Variants in FALEC observed in about 807,000 individuals in gnomAD.
FALEC encodes the protein focally amplified lncRNA regulator of ECM1.
the FALEC span, among the ~76,000 whole-genome samples, chr1:150,530,349 G>A: frequency 2.0e-5 from 3 of 152,122 alleles, no homozygotes; most frequent in Admixed American, 1.3e-4. Flanking sequence ...CAGCAGCTGG[G>A]GGAGCACAGT....
chr1:150,529,041 C>CAAAAAAAAAAAAAAAAAAAAAAAAAAA, the FALEC span, among the ~76,000 whole-genome samples: 1 of 58,692 alleles, frequency 1.7e-5, no homozygotes. Flanking sequence ...AAAAAAAAAT[C>CAAAAAAAAAAAAAAAAAAAAAAAAAAA]AAAGGATCTA....
chr1:150,519,585 G>A (rs587700137), downstream of FALEC, among the ~76,000 whole-genome samples: 8 of 152,084 alleles, frequency 5.3e-5, no homozygotes, highest in East Asian at 1.9e-4. Flanking sequence ...GGCCAGGCAC[G>A]GTGGCTCACG....
At chr1:150,519,604 C>T (rs1393454212), downstream of FALEC, among the ~76,000 whole-genome samples, 1 of 152,100 alleles carries the variant, frequency 6.6e-6, no homozygotes, top group Non-Finnish European at 1.5e-5. Context: ...CGCCTGTAAT[C>T]CCAGCACTTT....
chr1:150,528,009 C>T, the FALEC span, among the ~76,000 whole-genome samples: 1 of 151,956 alleles, frequency 6.6e-6, no homozygotes, highest in African/African-American at 2.4e-5. Context: ...GTGGGGTCCT[C>T]GCTGTATTAT....
the FALEC span, among the ~76,000 whole-genome samples, chr1:150,536,767 CAATA>C: frequency 6.6e-6 from 1 of 151,930 alleles, no homozygotes; most frequent in Non-Finnish European, 1.5e-5. Context: ...TCAGCCTGGG[CAATA>C]AATAAATAAA....
downstream of FALEC, among the ~76,000 whole-genome samples, chr1:150,522,975 A>AT (rs1560270879): frequency 1.5e-3 from 44 of 28,842 alleles, 7 homozygotes; most frequent in Non-Finnish European, 2.3e-3. Context: ...ATATATATAT[A>AT]TATATATATT....
At chr1:150,522,889 GTATATATATATATACATATATATACA>G (rs1181588320), downstream of FALEC, among the ~76,000 whole-genome samples, 1 of 44,292 alleles carries the variant, frequency 2.3e-5, no homozygotes, top group Non-Finnish European at 4.7e-5. Context: ...ATATATATAC[GTATATATATATATACATATATATACA>G]TATATATATA....
chr1:150,522,851 CTA>C (rs1235546445), downstream of FALEC, among the ~76,000 whole-genome samples: 27 of 87,692 alleles, frequency 3.1e-4, no homozygotes, highest in East Asian at 1.8e-3. Context: ...CTCTCTCTCT[CTA>C]TATATATATA....
chr1:150,520,714 G>GACT (rs1670627379), downstream of FALEC, among the ~76,000 whole-genome samples: 1 of 147,784 alleles, frequency 6.8e-6, no homozygotes, highest in Admixed American at 6.7e-5. Context: ...GTGCATGTCT[G>GACT]ACTTTTTAAA....
intron 1 of FALEC, chr1:150,517,759 A>G (rs763905456): frequency 1.3e-5 from 2 of 152,236 alleles, no homozygotes; most frequent in Non-Finnish European, 2.9e-5. Flanking sequence ...CACCCTGTCT[A>G]TGGTACTTCA....
At chr1:150,530,018 C>T in the FALEC span, among the ~76,000 whole-genome samples, 2 of 152,126 alleles carry the variant, frequency 1.3e-5, no homozygotes, top group African/African-American at 4.8e-5. Flanking sequence ...GAGCCCCTAA[C>T]TTGGGTCAGC....
At chr1:150,517,105 C>T (rs991531739) in intron 1 of FALEC, among the ~76,000 whole-genome samples, 2 of 152,042 alleles carry the variant, frequency 1.3e-5, no homozygotes, top group Non-Finnish European at 2.9e-5. Flanking sequence ...TCGAGACCAG[C>T]CTGACCAACA....
At chr1:150,534,797 A>G in the FALEC span, among the ~76,000 whole-genome samples, 185 of 150,128 alleles carry the variant, frequency 1.2e-3, no homozygotes, top group Non-Finnish European at 1.7e-3. Flanking sequence ...AGCTGAGATC[A>G]TGCCACTGCA....
chr1:150,522,332 G>T (rs778410745), downstream of FALEC, among the ~76,000 whole-genome samples: 1 of 151,880 alleles, frequency 6.6e-6, no homozygotes, highest in African/African-American at 2.4e-5. Flanking sequence ...TTAGAAGTTG[G>T]TAGTGGTTGG....
the FALEC span, among the ~76,000 whole-genome samples, chr1:150,535,177 A>T: frequency 6.6e-6 from 1 of 152,016 alleles, no homozygotes; most frequent in Non-Finnish European, 1.5e-5. Context: ...GCTTCCTCTG[A>T]GGGATAAGAG....
At chr1:150,533,353 C>T in the FALEC span, among the ~76,000 whole-genome samples, 10 of 151,726 alleles carry the variant, frequency 6.6e-5, no homozygotes, top group African/African-American at 2.4e-4. Context: ...GCAAGATGGG[C>T]CACATCGAGT....
chr1:150,518,779 G>A (rs587651484), downstream of FALEC, among the ~76,000 whole-genome samples: 25 of 152,174 alleles, frequency 1.6e-4, 1 homozygote, highest in South Asian at 4.6e-3. Flanking sequence ...ATCCCTGGCC[G>A]GGCGCTGTGG....
chr1:150,521,501 A>G (rs1479622932), downstream of FALEC, among the ~76,000 whole-genome samples: 1 of 152,224 alleles, frequency 6.6e-6, no homozygotes, highest in African/African-American at 2.4e-5. Flanking sequence ...TCAATTGATC[A>G]TTTGGATATC....
At chr1:150,523,318 G>A in the FALEC span, among the ~76,000 whole-genome samples, 1 of 150,230 alleles carries the variant, frequency 6.7e-6, no homozygotes, top group Non-Finnish European at 1.5e-5. Context: ...AATTTCATCT[G>A]TCTCATTTTA....
Sources: allele counts gnomAD v4.1 joint callset (sites outside exome capture counted in the v4.1 genomes callset), GRCh38; gene constraint gnomAD v4.1.1; transcripts MANE v1.5; gene names NCBI Gene and HGNC (gene_info 2026-07-23, HGNC 2026-07-21).